ESRRG: variants seen among roughly 807,000 people sequenced by gnomAD.
ESRRG encodes the protein estrogen-related receptor gamma.
A neutral mutation model predicts 44.0 loss-of-function variants in ESRRG; 13 were observed. The observed-to-expected ratio is 0.30, with a 90% CI of 0.19 to 0.47. ESRRG has a LOEUF of 0.47. Among genes scored for constraint, ESRRG ranks in the 20% least tolerant of loss-of-function variants. The probability of loss-of-function intolerance (pLI) is 1.00; values close to 1 mark genes in which losing one functional copy is unlikely to be tolerated. For synonymous variants in ESRRG, 215 were observed against 214.6 expected (o/e 1.00, Z -0.02); for missense variants, 395 against 580.6 (o/e 0.68, Z 3.29).
At chr1:216,911,801 G>A (rs1266441164) in intron 2 of ESRRG, among the ~76,000 whole-genome samples, 4 of 152,152 alleles carry the variant, frequency 2.6e-5, no homozygotes, top group East Asian at 1.9e-4. Flanking sequence ...TGGGTGTGGC[G>A]GCATATGCCT....
At chr1:216,977,335 G>GACACAT (rs1460413797) in intron 1 of ESRRG, among the ~76,000 whole-genome samples, 3 of 64,528 alleles carry the variant, frequency 4.6e-5, no homozygotes, top group African/African-American at 2.6e-4. Flanking sequence ...TTCCAAGGAG[G>GACACAT]ATACATACAC....
At chr1:216,702,776 CA>C (rs5780911) in intron 1 of ESRRG, among the ~76,000 whole-genome samples, 92 of 95,148 alleles carry the variant, frequency 9.7e-4, no homozygotes, top group African/African-American at 1.1e-3. Flanking sequence ...GACTCTGCCT[CA>C]AAAAAAAAAA....
intron 1 of ESRRG, among the ~76,000 whole-genome samples, chr1:217,012,076 G>A (rs574198730): frequency 6.6e-4 from 101 of 152,202 alleles, no homozygotes; most frequent in African/African-American, 2.2e-3. Flanking sequence ...AAATATAAAT[G>A]TAAAGTAATA....
chr1:216,724,377 T>TG (rs1553543747), upstream of ESRRG, among the ~76,000 whole-genome samples: 80 of 150,964 alleles, frequency 5.3e-4, no homozygotes, highest in African/African-American at 1.9e-3. Context: ...TTTTTTTTTT[T>TG]GTAGGGAGAG....
At chr1:217,076,715 T>TAA (rs2091330298) in intron 1 of ESRRG, 1 of 152,218 alleles carries the variant, frequency 6.6e-6, no homozygotes, top group Non-Finnish European at 1.5e-5. Flanking sequence ...TTGTACCATT[T>TAA]AAAAGCTAAG....
intron 3 of ESRRG, among the ~76,000 whole-genome samples, chr1:216,603,945 C>CAAAAAAACAAAAAAAAAAAAA (rs2059585273): frequency 2.4e-5 from 3 of 127,310 alleles, no homozygotes; most frequent in Non-Finnish European, 5.1e-5. Flanking sequence ...AACAAAAAAA[C>CAAAAAAACAAAAAAAAAAAAA]AAAAAAAAAA....
chr1:217,025,617 G>GA (rs2081061667), intron 1 of ESRRG, among the ~76,000 whole-genome samples: 1 of 152,108 alleles, frequency 6.6e-6, no homozygotes. Context: ...CTGTTTGCCA[G>GA]AAAAAAAGCA....
At chr1:216,654,100 G>T (rs1454894633) in intron 2 of ESRRG, among the ~76,000 whole-genome samples, 2 of 150,072 alleles carry the variant, frequency 1.3e-5, no homozygotes, top group Non-Finnish European at 3.0e-5. Flanking sequence ...TCCAGCCTGG[G>T]CAACAGAGCA....
chr1:216,881,202 A>G lies in ESRRG; in HGVS notation c.-14+58380T>C, dbSNP rs372638173. On this transcript the variant is annotated intron_variant, in intron 2 of 7. Coordinates refer to the ESRRG transcript ENST00000359162. ...AATAAACCCTCAATTTTTTTTCAAC[A>G]TATTCCATAATTTCCTCACTAAGAC... Among the ~76,000 whole-genome samples, 61 of 152,242 alleles carry G rather than the reference A, an allele frequency of 4.0e-4. 2 individuals carry two copies. The East Asian group carries it at 6.4e-3, about 16-fold the overall frequency.
chr1:216,513,160 G>T (rs565043899), intron 6 of ESRRG, among the ~76,000 whole-genome samples: 2 of 152,236 alleles, frequency 1.3e-5, no homozygotes, highest in African/African-American at 4.8e-5. Context: ...ACTCGTTAAG[G>T]TCTATATTTT....
chr1:216,776,990 C>T (rs1326767402), intron 2 of ESRRG, among the ~76,000 whole-genome samples: 1 of 152,082 alleles, frequency 6.6e-6, no homozygotes, highest in East Asian at 1.9e-4. Context: ...GGTTGGACTC[C>T]ACACCTAGTC....
At chr1:216,989,528 T>C (rs577033134) in intron 1 of ESRRG, among the ~76,000 whole-genome samples, 2 of 149,692 alleles carry the variant, frequency 1.3e-5, no homozygotes, top group African/African-American at 4.9e-5. Flanking sequence ...TAGGTGAAAA[T>C]AGGCTTTCGA....
chr1:216,732,566 G>A (rs1265282970), intron 2 of ESRRG, among the ~76,000 whole-genome samples: 3 of 151,670 alleles, frequency 2.0e-5, no homozygotes, highest in Non-Finnish European at 2.9e-5. Context: ...TAGTAGAGAC[G>A]GGATTTCACC....
intron 3 of ESRRG, among the ~76,000 whole-genome samples, chr1:216,649,710 G>C (rs771166164): frequency 2.0e-5 from 3 of 152,090 alleles, no homozygotes; most frequent in Non-Finnish European, 2.9e-5. Context: ...AGAAGAATTT[G>C]AGAGTGTCTT....
intron 1 of ESRRG, among the ~76,000 whole-genome samples, chr1:216,984,801 C>T (rs529572898): frequency 1.3e-4 from 20 of 152,302 alleles, no homozygotes; most frequent in Admixed American, 8.5e-4. Flanking sequence ...TCTACATACC[C>T]GTGGATTTGT....
At chr1:216,622,632 A>T (rs2062452238) in intron 3 of ESRRG, among the ~76,000 whole-genome samples, 2 of 152,010 alleles carry the variant, frequency 1.3e-5, no homozygotes, top group Non-Finnish European at 2.9e-5. Context: ...ACACACACAC[A>T]CACGCTTCCC....
chr1:216,891,724 G>A (rs186082102), intron 2 of ESRRG, among the ~76,000 whole-genome samples: 2 of 151,328 alleles, frequency 1.3e-5, no homozygotes, highest in Non-Finnish European at 2.9e-5. Flanking sequence ...AGGGGGCAGA[G>A]GAAATAAAGT....
At chr1:216,819,376 TTCTGTATATCTTCTTC>T (rs2095237418) in intron 2 of ESRRG, among the ~76,000 whole-genome samples, 1 of 102,374 alleles carries the variant, frequency 9.8e-6, no homozygotes, top group East Asian at 2.1e-4. Context: ...CTTTAAAGTT[TTCTGTATATCTTCTTC>T]CTTTTTTAAG....
chr1:216,971,484 C>G (rs534971502), intron 1 of ESRRG, among the ~76,000 whole-genome samples: 51 of 152,270 alleles, frequency 3.3e-4, no homozygotes, highest in African/African-American at 1.2e-3. Flanking sequence ...ATATTCCCCT[C>G]TCTGATATAA....
Sources: allele counts gnomAD v4.1 joint callset (sites outside exome capture counted in the v4.1 genomes callset), GRCh38; gene constraint gnomAD v4.1.1; transcripts MANE v1.5; gene names NCBI Gene and HGNC (gene_info 2026-07-23, HGNC 2026-07-21).